The following TRAK1 variants were observed in gnomAD, a reference collection of about 807,000 sequenced individuals.
TRAK1 encodes trafficking kinesin-binding protein 1.
In TRAK1, 33 loss-of-function variants were observed where a neutral mutation model predicts 92.1. The ratio of observed to expected loss-of-function variants is 0.36; its 90% CI spans 0.27 to 0.48. TRAK1 has a LOEUF of 0.48. TRAK1 is among the 20% of genes least tolerant of loss of function. The probability of loss-of-function intolerance (pLI) is 0.99; values close to 1 mark genes in which losing one functional copy is unlikely to be tolerated. For synonymous variants in TRAK1, 521 were observed against 517.3 expected (o/e 1.01, Z -0.10); for missense variants, 1,123 against 1,257.9 (o/e 0.89, Z 1.62).
chr3:42,171,052 T>C (rs964845087), intron 2 of TRAK1, among the ~76,000 whole-genome samples: 1 of 152,040 alleles, frequency 6.6e-6, no homozygotes, highest in African/African-American at 2.4e-5. Flanking sequence ...CCTGACCTCA[T>C]GATCCGCCTG....
At chr3:42,210,434 T>C in intron 14 of TRAK1, 1 of 1,282,634 alleles carries the variant, frequency 7.8e-7, no homozygotes, top group Non-Finnish European at 9.8e-7. Flanking sequence ...AAGTGGGCTT[T>C]TGGGTCCCTG....
chr3:42,150,178 T>G, intron 2 of TRAK1, among the ~76,000 whole-genome samples: 1 of 148,378 alleles, frequency 6.7e-6, no homozygotes, highest in Non-Finnish European at 1.5e-5. Flanking sequence ...GGTGGGGAGG[T>G]GATGGGAGGG....
chr3:42,219,799 T>G (rs1303419385), intron 15 of TRAK1, among the ~76,000 whole-genome samples: 93 of 142,626 alleles, frequency 6.5e-4, no homozygotes, highest in Non-Finnish European at 1.1e-3. Context: ...TTTTTTTTTT[T>G]TTTTTTTTTT....
At chr3:42,139,772 C>G (rs1230417542) in intron 2 of TRAK1, among the ~76,000 whole-genome samples, 1 of 152,150 alleles carries the variant, frequency 6.6e-6, no homozygotes, top group African/African-American at 2.4e-5. Context: ...TAAGACAAAG[C>G]TGGAACGGAC....
At chr3:42,101,222 T>C (rs959543455) in intron 1 of TRAK1, among the ~76,000 whole-genome samples, 7 of 152,206 alleles carry the variant, frequency 4.6e-5, no homozygotes, top group Non-Finnish European at 1.0e-4. Context: ...CAGGCATGCT[T>C]AGAGCCTCCC....
intron 1 of TRAK1, among the ~76,000 whole-genome samples, chr3:42,038,649 G>A (rs112431774): frequency 0.074 from 11,198 of 151,868 alleles, 475 homozygotes; most frequent in Middle Eastern, 0.21. Flanking sequence ...TTTGCCGGGC[G>A]TGGTGGCGGG....
chr3:42,218,287 T>C, intron 14 of TRAK1: 1 of 985,418 alleles, frequency 1.0e-6, no homozygotes, highest in Non-Finnish European at 1.2e-6. Context: ...GTTTTCCTTT[T>C]TGTCAAATCC....
chr3:42,158,787 CAAAAAAAAAA>C (rs149521969), intron 2 of TRAK1, among the ~76,000 whole-genome samples: 2 of 69,548 alleles, frequency 2.9e-5, no homozygotes, highest in African/African-American at 4.6e-5. Flanking sequence ...ACAAAAAATA[CAAAAAAAAAA>C]AAAAAAAAAA....
rs117785719 is a variant in TRAK1, at chr3:42,030,215, C to T, written c.-519+16098C>T. Reference sequence around the variant, plus strand: ...TTGGGAGGCTGAGACAGGAGGATAGCTTGAGGCCAGAAGTTCCAGACCAGC... The same window carrying T: ...TTGGGAGGCTGAGACAGGAGGATAGTTTGAGGCCAGAAGTTCCAGACCAGC... On this transcript the variant is annotated intron_variant, in intron 1 of 16. Coordinates refer to the TRAK1 transcript ENST00000487159. Among the ~76,000 whole-genome samples the T allele has an allele frequency of 7.9e-3, 1,200 of 152,092 alleles. 48 individuals carry two copies. The East Asian group carries it at 0.13, about 16-fold the overall frequency.
At chr3:42,120,965 C>T (rs148737653) in intron 1 of TRAK1, among the ~76,000 whole-genome samples, 1 of 152,202 alleles carries the variant, frequency 6.6e-6, no homozygotes, top group Non-Finnish European at 1.5e-5. Flanking sequence ...ACAAAAACTT[C>T]CTGATGATGA....
chr3:42,149,343 T>C (rs1699688208), intron 2 of TRAK1: 1 of 1,435,334 alleles, frequency 7.0e-7, no homozygotes, highest in Non-Finnish European at 9.1e-7. Flanking sequence ...CCTTCCCCCA[T>C]AGAATTTTTC....
chr3:42,091,765 C>G (rs1705102341), intron 1 of TRAK1, among the ~76,000 whole-genome samples: 1 of 152,062 alleles, frequency 6.6e-6, no homozygotes, highest in Non-Finnish European at 1.5e-5. Context: ...TCACCACCCC[C>G]CCATCTCCCG....
At chr3:42,128,710 A>G (rs1198664920) in intron 2 of TRAK1, among the ~76,000 whole-genome samples, 2 of 152,270 alleles carry the variant, frequency 1.3e-5, no homozygotes, top group Non-Finnish European at 2.9e-5. Flanking sequence ...TCACCAGTAG[A>G]AATCACAGAT....
chr3:42,017,312 A>G (rs1284482417), intron 1 of TRAK1, among the ~76,000 whole-genome samples: 2 of 152,094 alleles, frequency 1.3e-5, no homozygotes, highest in Non-Finnish European at 2.9e-5. Flanking sequence ...TAACTCATCT[A>G]TATTTGGCAT....
intron 2 of TRAK1, among the ~76,000 whole-genome samples, chr3:42,139,513 T>C (rs959265888): frequency 1.3e-5 from 2 of 152,056 alleles, no homozygotes; most frequent in Non-Finnish European, 2.9e-5. Context: ...CATACCAGGG[T>C]GCACGACAGC....
intron 14 of TRAK1, chr3:42,210,423 A>C: frequency 7.9e-7 from 1 of 1,272,664 alleles, no homozygotes; most frequent in Non-Finnish European, 9.9e-7. Context: ...AAAAAAAAAA[A>C]AAGTGGGCTT....
In TRAK1 at chr3:42,223,391, C is replaced by CCAACCT; in HGVS notation, c.2524_2529dup (p.Asn842_Leu843dup). The CCAACCT allele has an allele frequency of 1.2e-6, 2 of 1,614,232 alleles. No individual in the cohort carries two copies. Among genetic ancestry groups the CCAACCT allele is most frequent in the South Asian group, 2.2e-5 (2 of 91,090 alleles). ...GAGAGCCAGACCGACGTGTCCGTCT[C>CCAACCT]CAACCTCAACCTCGTGGACAAAGTC... On this transcript the variant is annotated inframe_insertion, in exon 16 of 16. Transcript: ENST00000327628. The surrounding 1 kb of genome is among the most constrained non-coding windows in gnomAD (Gnocchi z 6.1).
chr3:42,150,550 A>G (rs150588465), intron 2 of TRAK1, among the ~76,000 whole-genome samples: 20 of 152,260 alleles, frequency 1.3e-4, no homozygotes, highest in African/African-American at 4.6e-4. Flanking sequence ...CCATTAATAG[A>G]TAAGGTAAGT....
intron 1 of TRAK1, among the ~76,000 whole-genome samples, chr3:42,054,274 C>G (rs1048219904): frequency 3.3e-5 from 5 of 152,302 alleles, no homozygotes; most frequent in African/African-American, 1.2e-4. Context: ...TTCAGCACCC[C>G]CTTTGGCTGG....
Sources: gnomAD v4.1 joint callset for allele counts (sites outside exome capture counted in the v4.1 genomes callset) on GRCh38, gnomAD v4.1.1 for gene constraint, Gnocchi (gnomAD v3.1) non-coding constraint, MANE v1.5 for transcripts, NCBI Gene and HGNC (gene_info 2026-07-23, HGNC 2026-07-21) for gene names.